The following ATP6V1H variants were observed in gnomAD, a reference collection of about 807,000 sequenced individuals.
ATP6V1H encodes ATPase H+ transporting V1 subunit H, also known as V-type proton ATPase subunit H.
ATP6V1H carries 39 observed loss-of-function variants against 71.7 expected under a neutral mutation model. The observed-to-expected ratio is 0.54, with a 90% CI of 0.42 to 0.71. The LOEUF (loss-of-function observed/expected upper bound fraction) is 0.71, where lower values mean the gene tolerates loss of function less well. Ranked by LOEUF, ATP6V1H falls within the 30% of genes least tolerant of loss-of-function variation. The pLI, the probability that ATP6V1H is intolerant of heterozygous loss-of-function variation, is 0.00. For missense variants in ATP6V1H, 509 were observed against 594.9 expected (o/e 0.86, Z 1.50); for synonymous variants, 192 against 199.3 (o/e 0.96, Z 0.31).
At chr8:53,743,818 CT>C in intron 12 of ATP6V1H, 128 bp from the exon 13 acceptor site, 4 of 603,436 alleles carry the variant, frequency 6.6e-6, no homozygotes, top group South Asian at 4.3e-5. Flanking sequence ...CCAAACGTGT[CT>C]TTTTTTACAT....
intron 9 of ATP6V1H, among the ~76,000 whole-genome samples, chr8:53,779,284 C>A (rs1006265979): frequency 6.6e-6 from 1 of 151,796 alleles, no homozygotes; most frequent in South Asian, 2.1e-4. Flanking sequence ...ATAAGACAAG[C>A]CATAAAATGA....
intron 9 of ATP6V1H, among the ~76,000 whole-genome samples, chr8:53,782,937 G>C (rs1422833232): frequency 6.6e-6 from 1 of 151,618 alleles, no homozygotes; most frequent in South Asian, 2.1e-4. Flanking sequence ...TGCTGGATTC[G>C]GTTTGCCAGT....
intron 4 of ATP6V1H, 151 bp downstream of exon 4, chr8:53,829,293 G>C (rs1460810860): frequency 7.2e-6 from 4 of 556,374 alleles, no homozygotes; most frequent in Non-Finnish European, 1.2e-5. Context: ...AGCTCTATTA[G>C]CAAATTACAA....
In ATP6V1H at chr8:53,816,651, A is replaced by C. The variant is rs560914396; in HGVS notation, c.420+766T>G. 2.3e-3 allele frequency among the ~76,000 whole-genome samples: 345 copies of C among 152,068 alleles called. 2 individuals are homozygous for C. The highest frequency in any genetic ancestry group is 7.9e-3 in the African/African-American group (328 of 41,520). ...TCTTTACTAAAAATACAAAAATTAGATGGGCGTGGTGGCGCATGCCTGTAA... is the reference window on the plus strand; with the variant it reads ...TCTTTACTAAAAATACAAAAATTAGCTGGGCGTGGTGGCGCATGCCTGTAA... On this transcript the variant is annotated intron_variant, in intron 5 of 13. Transcript: ENST00000359530.
chr8:53,733,613 A>C (rs931088426), intron 13 of ATP6V1H, among the ~76,000 whole-genome samples: 1 of 152,188 alleles, frequency 6.6e-6, no homozygotes, highest in Admixed American at 6.5e-5. Context: ...GCAGCCTAGG[A>C]TCAGAAAGAA....
chr8:53,793,559 C>A lies in ATP6V1H; in HGVS notation c.870+2088G>T, dbSNP rs567594116. Among the ~76,000 whole-genome samples the A allele has an allele frequency of 2.0e-5, 3 of 152,122 alleles. No homozygotes were observed. In the East Asian group the frequency reaches 5.8e-4, roughly 30 times the overall value. ...ACTTGGGAGGCTGAGGCAGGAGTAT[C>A]CCTCAAGCTGAGGAGTCCGAGGTTG... On this transcript the variant is annotated intron_variant, in intron 9 of 13. Transcript: ENST00000359530.
At chr8:53,764,288 T>C (rs372078955) in intron 11 of ATP6V1H, among the ~76,000 whole-genome samples, 2 of 152,168 alleles carry the variant, frequency 1.3e-5, no homozygotes, top group African/African-American at 2.4e-5. Flanking sequence ...AACAAAAATA[T>C]TGGCAAATCA....
chr8:53,774,662 C>T lies in ATP6V1H; in HGVS notation c.871-2495G>A, dbSNP rs147070816. Among the ~76,000 whole-genome samples, 993 of 150,946 alleles carry T rather than the reference C, an allele frequency of 6.6e-3. 6 individuals carry two copies. Among genetic ancestry groups the T allele is most frequent in the African/African-American group, 0.023 (949 of 41,054 alleles). On this transcript the variant is annotated intron_variant, in intron 9 of 13. Coordinates refer to ENST00000359530, the MANE Select transcript of ATP6V1H (RefSeq NM_015941.4). ...GATGAAATATAAAAGATTACCTGAA[C>T]GAACAAAAGGTAGCAGAAACTAGAA...
chr8:53,802,545 C>T (rs1392531287), intron 7 of ATP6V1H, among the ~76,000 whole-genome samples: 1 of 151,918 alleles, frequency 6.6e-6, no homozygotes, highest in Non-Finnish European at 1.5e-5. Flanking sequence ...CTGGTGAAAC[C>T]CCATATCTAC....
intron 12 of ATP6V1H, among the ~76,000 whole-genome samples, chr8:53,751,146 G>T (rs41321146): frequency 0.071 from 10,823 of 152,136 alleles, 744 homozygotes; most frequent in East Asian, 0.37. Context: ...ATTGGTGTCC[G>T]TGTTGCTAAG....
chr8:53,749,898 G>C (rs536906786), intron 12 of ATP6V1H, among the ~76,000 whole-genome samples: 2 of 152,216 alleles, frequency 1.3e-5, no homozygotes, highest in Non-Finnish European at 2.9e-5. Flanking sequence ...TCCCTAAGGT[G>C]AGTGTCAGGC....
chr8:53,839,701 T>C, intron 2 of ATP6V1H: 1 of 985,370 alleles, frequency 1.0e-6, no homozygotes, highest in Non-Finnish European at 1.2e-6. Flanking sequence ...GATTCATTGG[T>C]TTCCAACACC....
At chr8:53,782,721 T>C (rs970387501) in intron 9 of ATP6V1H, among the ~76,000 whole-genome samples, 3 of 152,234 alleles carry the variant, frequency 2.0e-5, no homozygotes, top group African/African-American at 4.8e-5. Context: ...GTCCCATCAA[T>C]ACCTAATTTA....
At position 53,843,224 on chromosome 8, in the gene ATP6V1H, T is replaced by C. The variant is rs1019749606; in HGVS notation, c.-226A>G. Reference sequence around the variant, plus strand: ...AAGCGGGTCCCGCACCAAGGAGACGTTGAGGGCCGCACAGGTAGAAGGAAG... The same window carrying C: ...AAGCGGGTCCCGCACCAAGGAGACGCTGAGGGCCGCACAGGTAGAAGGAAG... On this transcript the variant is annotated 5_prime_UTR_variant, in exon 1 of 14. Transcript: ENST00000359530. 1 of 152,244 alleles carries C rather than the reference T, an allele frequency of 6.6e-6. No homozygotes were observed. The highest frequency in any genetic ancestry group is 6.5e-5 in the Admixed American group (1 of 15,282). 9.4% of individuals were successfully genotyped at this position (152,244 alleles called of 1,614,324 possible).
chr8:53,834,133 T>TAAGCCACC lies in ATP6V1H; in HGVS notation c.114-1055_114-1048dup, dbSNP rs1427658383. On this transcript the variant is annotated intron_variant, in intron 2 of 13. Transcript: ENST00000359530. Reference sequence around the variant, plus strand: ...CAGGATTCATTCAAGTCAGCTCCTTTAAGCCACCAGTATGGTAGGAAAAGC... The same window carrying TAAGCCACC: ...CAGGATTCATTCAAGTCAGCTCCTTTAAGCCACCAAGCCACCAGTATGGTAGGAAAAGC... 1.9e-4 allele frequency among the ~76,000 whole-genome samples: 29 copies of TAAGCCACC among 152,262 alleles called. No homozygotes were observed. In the South Asian group the frequency reaches 4.2e-3, roughly 22 times the overall value.
intron 12 of ATP6V1H, among the ~76,000 whole-genome samples, chr8:53,750,936 C>T (rs1400453493): frequency 2.6e-5 from 4 of 151,856 alleles, no homozygotes; most frequent in African/African-American, 9.7e-5. Context: ...TACTATGTAG[C>T]AAGCATGACT....
intron 2 of ATP6V1H, among the ~76,000 whole-genome samples, chr8:53,840,707 A>T (rs1811318666): frequency 1.3e-5 from 2 of 152,152 alleles, no homozygotes; most frequent in Admixed American, 1.3e-4. Flanking sequence ...TACATTATAG[A>T]TCCCTCCTAC....
At chr8:53,811,850 G>A (rs1226140066) in intron 6 of ATP6V1H, among the ~76,000 whole-genome samples, 3 of 152,122 alleles carry the variant, frequency 2.0e-5, no homozygotes, top group Non-Finnish European at 4.4e-5. Context: ...CAACCCAAGT[G>A]CAACGCTCCA....
At chr8:53,834,404 A>C (rs1175291066) in intron 2 of ATP6V1H, among the ~76,000 whole-genome samples, 2 of 152,186 alleles carry the variant, frequency 1.3e-5, no homozygotes, top group East Asian at 1.9e-4. Flanking sequence ...TGTTCAAACA[A>C]CACCAATATA....
Sources: allele counts gnomAD v4.1 joint callset (sites outside exome capture counted in the v4.1 genomes callset), GRCh38; gene constraint gnomAD v4.1.1; transcripts MANE v1.5; gene names NCBI Gene and HGNC (gene_info 2026-07-23, HGNC 2026-07-21).